Variants in CNTNAP2 observed in about 807,000 individuals in gnomAD.
The protein encoded by CNTNAP2 is contactin-associated protein-like 2.
In CNTNAP2, 98 loss-of-function variants were observed where a neutral mutation model predicts 155.2. The observed-to-expected ratio is 0.63, with a 90% confidence interval of 0.54 to 0.75. The LOEUF (loss-of-function observed/expected upper bound fraction) is 0.75, where lower values mean the gene tolerates loss of function less well. Ranked by LOEUF, CNTNAP2 falls within the 30% of genes least tolerant of loss-of-function variation. The pLI is 0.00. For missense variants in CNTNAP2, 1,727 were observed against 1,688.1 expected (o/e 1.02, Z -0.40); for synonymous variants, 651 against 631.2 (o/e 1.03, Z -0.47).
At chr7:148,401,989 T>C (rs1352377614) in intron 22 of CNTNAP2, among the ~76,000 whole-genome samples, 1 of 152,204 alleles carries the variant, frequency 6.6e-6, no homozygotes, top group Non-Finnish European at 1.5e-5. Context: ...AAGAAATCTT[T>C]TTCCTGAAAG....
chr7:146,584,308 T>A (rs1798654755), intron 1 of CNTNAP2, among the ~76,000 whole-genome samples: 1 of 152,160 alleles, frequency 6.6e-6, no homozygotes, highest in Admixed American at 6.5e-5. Flanking sequence ...ATGTGGACAA[T>A]CATCATTGCA....
At chr7:146,521,444 A>C (rs1258333959) in intron 1 of CNTNAP2, among the ~76,000 whole-genome samples, 2 of 151,988 alleles carry the variant, frequency 1.3e-5, no homozygotes, top group Non-Finnish European at 2.9e-5. Context: ...AAATCAACTG[A>C]ATAATTTACT....
intron 14 of CNTNAP2, among the ~76,000 whole-genome samples, chr7:147,926,771 T>C (rs1397667842): frequency 6.6e-6 from 1 of 152,104 alleles, no homozygotes; most frequent in Non-Finnish European, 1.5e-5. Context: ...TAAATCTACA[T>C]GAAAAAAACA....
intron 8 of CNTNAP2, among the ~76,000 whole-genome samples, chr7:147,245,616 G>A (rs993314097): frequency 1.3e-5 from 2 of 151,950 alleles, no homozygotes; most frequent in Non-Finnish European, 2.9e-5. Context: ...GGTGGAGCAC[G>A]AGGTCAGGAG....
intron 1 of CNTNAP2, among the ~76,000 whole-genome samples, chr7:146,751,085 C>T (rs1298165408): frequency 6.6e-6 from 1 of 152,062 alleles, no homozygotes; most frequent in Non-Finnish European, 1.5e-5. Context: ...TTGGGTTATA[C>T]ATGTGGCACT....
At chr7:147,830,552 G>A (rs532250891) in intron 13 of CNTNAP2, among the ~76,000 whole-genome samples, 7 of 152,288 alleles carry the variant, frequency 4.6e-5, no homozygotes, top group Middle Eastern at 6.8e-3. Flanking sequence ...CTGTAAAGAA[G>A]GGAAAATCAT....
At chr7:148,172,875 C>T (rs1476255328) in intron 18 of CNTNAP2, among the ~76,000 whole-genome samples, 1 of 152,116 alleles carries the variant, frequency 6.6e-6, no homozygotes, top group Non-Finnish European at 1.5e-5. Context: ...TCAGCCAGTG[C>T]ACCCCAGTGG....
At chr7:146,882,396 T>C (rs4725698) in intron 3 of CNTNAP2, among the ~76,000 whole-genome samples, 7 of 152,054 alleles carry the variant, frequency 4.6e-5, no homozygotes, top group Admixed American at 4.6e-4. Flanking sequence ...ATAATCCCCA[T>C]GTGTTAGGGG....
rs186138499 is a variant in CNTNAP2 at position 147,602,444 on chromosome 7, A to G, written c.1898-36662A>G. Among the ~76,000 whole-genome samples the G allele has an allele frequency of 1.1e-3, 161 of 152,012 alleles. 2 individuals are homozygous for G. In the East Asian group the frequency reaches 0.027, roughly 25 times the overall value. ...TACCACATCAATGGGCAATTAATATAAAAGTTTATTAATGGGATATTTTAC... is the reference window on the plus strand; with the variant it reads ...TACCACATCAATGGGCAATTAATATGAAAGTTTATTAATGGGATATTTTAC... On this transcript the variant is annotated intron_variant, in intron 12 of 23. Coordinates refer to ENST00000361727, the MANE Select transcript of CNTNAP2 (RefSeq NM_014141.6).
At chr7:148,227,221 G>A (rs1474302363) in intron 19 of CNTNAP2, among the ~76,000 whole-genome samples, 1 of 152,136 alleles carries the variant, frequency 6.6e-6, no homozygotes, top group Non-Finnish European at 1.5e-5. Context: ...GTGAAGATGA[G>A]GCCTGAGAGG....
chr7:147,303,632 G>A (rs1209446186), intron 9 of CNTNAP2, among the ~76,000 whole-genome samples: 2 of 152,180 alleles, frequency 1.3e-5, no homozygotes, highest in Non-Finnish European at 2.9e-5. Context: ...CTGCATACCT[G>A]ATTTTGAATA....
At chr7:146,891,065 A>G (rs898277070) in intron 3 of CNTNAP2, among the ~76,000 whole-genome samples, 2 of 152,342 alleles carry the variant, frequency 1.3e-5, no homozygotes, top group African/African-American at 4.8e-5. Context: ...ATGCAGCCAC[A>G]AAAAATAAAC....
intron 4 of CNTNAP2, among the ~76,000 whole-genome samples, chr7:147,046,086 T>C (rs2129256203): frequency 6.6e-6 from 1 of 152,266 alleles, no homozygotes; most frequent in East Asian, 1.9e-4. Flanking sequence ...AGTTAAAATT[T>C]ACCCAAAAGC....
intron 3 of CNTNAP2, among the ~76,000 whole-genome samples, chr7:146,904,458 G>C (rs370348530): frequency 2.5e-4 from 38 of 152,186 alleles, no homozygotes; most frequent in African/African-American, 9.2e-4. Flanking sequence ...TTTGTTGAAT[G>C]AGAGAATTCA....
chr7:147,053,662 A>G (rs1200182847), intron 4 of CNTNAP2, among the ~76,000 whole-genome samples: 1 of 152,178 alleles, frequency 6.6e-6, no homozygotes, highest in Non-Finnish European at 1.5e-5. Flanking sequence ...TCACTCTGAA[A>G]TATGAATAAC....
At position 148,387,631 on chromosome 7, in the gene CNTNAP2, G is replaced by A. The variant is rs556251815; in HGVS notation, c.3715+3743G>A. On this transcript the variant is annotated intron_variant, in intron 22 of 23. Transcript: ENST00000361727. ...CCATACTGACTAAATCAGCATTCGT[G>A]TTTTTTAGCATGGTTCCCAGGTGAC... Among the ~76,000 whole-genome samples the A allele has an allele frequency of 2.6e-4, 39 of 152,204 alleles. 1 individual carries two copies. Among genetic ancestry groups the A allele is most frequent in the African/African-American group, 7.7e-4 (32 of 41,520 alleles).
intron 16 of CNTNAP2, among the ~76,000 whole-genome samples, chr7:148,134,989 GT>G (rs1804906772): frequency 6.6e-6 from 1 of 151,398 alleles, no homozygotes; most frequent in Non-Finnish European, 1.5e-5. Context: ...ACTTTTTTAT[GT>G]AATAATATTT....
chr7:148,205,163 A>G (rs891705185), intron 18 of CNTNAP2, among the ~76,000 whole-genome samples: 4 of 152,246 alleles, frequency 2.6e-5, no homozygotes, highest in Non-Finnish European at 5.9e-5. Flanking sequence ...CAAGAATTCT[A>G]CATGGCTCAG....
At chr7:148,152,410 G>A (rs563277674) in intron 17 of CNTNAP2, among the ~76,000 whole-genome samples, 57 of 151,922 alleles carry the variant, frequency 3.8e-4, no homozygotes, top group Non-Finnish European at 5.4e-4. Context: ...TGAGTTCTGC[G>A]TCCCAAGTCT....
Sources: gnomAD v4.1 joint callset for allele counts (sites outside exome capture counted in the v4.1 genomes callset) on GRCh38, gnomAD v4.1.1 for gene constraint, MANE v1.5 for transcripts, NCBI Gene and HGNC (gene_info 2026-07-23, HGNC 2026-07-21) for gene names.